CACNA1E: variants seen among roughly 807,000 people sequenced by gnomAD.
CACNA1E encodes the protein calcium voltage-gated channel subunit alpha1 E, also known as voltage-dependent R-type calcium channel subunit alpha-1E.
A neutral mutation model predicts 259.2 loss-of-function variants in CACNA1E; 40 were observed. That is an observed-to-expected ratio of 0.15 (90% CI 0.12 to 0.20). The LOEUF (loss-of-function observed/expected upper bound fraction) is 0.20. CACNA1E is among the 10% of genes least tolerant of loss of function. The pLI is 1.00. For missense variants in CACNA1E, 1,874 were observed against 3,040.1 expected (o/e 0.62, Z 9.02); for synonymous variants, 1,104 against 1,138.5 (o/e 0.97, Z 0.61).
intron 1 of CACNA1E, among the ~76,000 whole-genome samples, chr1:181,359,793 C>G (rs1653726381): frequency 6.6e-6 from 1 of 152,146 alleles, no homozygotes. Context: ...ATTTATTTTT[C>G]TATAATACAA....
Position 181,758,188 on chromosome 1 carries a change from A to G in CACNA1E, c.4494+77A>G, listed in dbSNP as rs1012544501. On this transcript the variant is annotated intron_variant, in intron 31 of 47. Coordinates refer to ENST00000367573, the MANE Select transcript of CACNA1E (RefSeq NM_001205293.3). This position sits in a 1 kb window ranked among gnomAD's most constrained non-coding sequence, Gnocchi z 4.2. The stretch of plus-strand genomic sequence containing the variant: ...CCAGGGCAAGTGGGAAGACACCCCA[A>G]CATCCCAGCCCATCACTGCTTTACC... 7 of 1,302,960 alleles carry G rather than the reference A, an allele frequency of 5.4e-6. No individual in the cohort carries two copies. Among genetic ancestry groups the G allele is most frequent in the East Asian group, 4.6e-5 (2 of 43,122 alleles). The allele number at this position is 1,302,960 out of a possible 1,614,324, so 80.7% of individuals were successfully genotyped here. A position where few individuals can be genotyped will look rare whatever the true frequency, so the allele number is the denominator to read the frequency against.
rs1445839754 is a variant in CACNA1E, at chr1:181,804,679, C to T, written c.*5845C>T. 7 of 152,116 alleles carry T rather than the reference C, an allele frequency of 4.6e-5. No individual in the cohort carries two copies. Among genetic ancestry groups the T allele is most frequent in the Non-Finnish European group, 8.8e-5 (6 of 68,020 alleles). The allele number at this position is 152,116 out of a possible 1,614,324, so 9.4% of individuals were successfully genotyped here. A position where few individuals can be genotyped will look rare whatever the true frequency, so the allele number is the denominator to read the frequency against. Reference sequence around the variant, plus strand: ...AATTGAAACATGAATGTTTGGCTAACTCATGATGTAAAGTGTCTGTTAAGT... The same window carrying T: ...AATTGAAACATGAATGTTTGGCTAATTCATGATGTAAAGTGTCTGTTAAGT... On this transcript the variant is annotated 3_prime_UTR_variant, in exon 48 of 48. Coordinates refer to ENST00000367573, the MANE Select transcript of CACNA1E (RefSeq NM_001205293.3).
Position 181,725,010 on chromosome 1 carries a change from T to C in CACNA1E, c.2142+473T>C, listed in dbSNP as rs1001012773. 2.0e-5 allele frequency among the ~76,000 whole-genome samples: 3 copies of C among 152,322 alleles called. No homozygotes were observed. In the South Asian group the frequency reaches 6.2e-4, roughly 32 times the overall value. On this transcript the variant is annotated intron_variant, in intron 17 of 47. Transcript: ENST00000367573. Reference sequence around the variant, plus strand: ...TAGGCAAAGGTCATTTTGGGGAAATTTCAATGAAGCCAGATACTAAATTTC... The same window carrying C: ...TAGGCAAAGGTCATTTTGGGGAAATCTCAATGAAGCCAGATACTAAATTTC...
intron 3 of CACNA1E, among the ~76,000 whole-genome samples, chr1:181,564,875 T>A (rs1649666673): frequency 7.0e-6 from 1 of 143,730 alleles, no homozygotes; most frequent in African/African-American, 2.4e-5. Flanking sequence ...GCTGTAATAT[T>A]TTGAAAGGAA....
rs71632123 is a variant in CACNA1E at position 181,776,565 on chromosome 1, C to A, written c.5267+337C>A. 0.03 allele frequency among the ~76,000 whole-genome samples: 4,557 copies of A among 152,326 alleles called. 76 individuals carry two copies. The highest frequency in any genetic ancestry group is 0.043 in the Non-Finnish European group (2,950 of 68,036). On this transcript the variant is annotated intron_variant, in intron 38 of 47. Transcript: ENST00000367573. The surrounding 1 kb of genome is among the most constrained non-coding windows in gnomAD (Gnocchi z 4.4). ...TGGTTAGTGGACTCCTTTGAGTTAT[C>A]AGGGGGTTTGACAAGGGTTTTTGGC... is the stretch of plus-strand genomic sequence containing the variant.
intron 7 of CACNA1E, among the ~76,000 whole-genome samples, chr1:181,653,334 G>A (rs1385526633): frequency 3.3e-5 from 5 of 152,046 alleles, no homozygotes; most frequent in African/African-American, 1.2e-4. Context: ...TTCCTGTGCT[G>A]TTCTCATGAT....
At chr1:181,657,211 G>A (rs1408668568) in intron 7 of CACNA1E, among the ~76,000 whole-genome samples, 1 of 152,080 alleles carries the variant, frequency 6.6e-6, no homozygotes, top group Non-Finnish European at 1.5e-5. Flanking sequence ...TGCTGATGCC[G>A]AATTTTGATA....
chr1:181,517,354 G>A (rs1354814264), intron 3 of CACNA1E, among the ~76,000 whole-genome samples: 2 of 152,122 alleles, frequency 1.3e-5, no homozygotes, highest in Admixed American at 6.5e-5. Context: ...GAGACCTGCA[G>A]AGGTCAGCAG....
At chr1:181,685,179 AT>A (rs35187833) in intron 7 of CACNA1E, among the ~76,000 whole-genome samples, 63,777 of 109,914 alleles carry the variant, frequency 0.58, 16,056 homozygotes, top group Non-Finnish European at 0.6. Flanking sequence ...CAAAGGAAAC[AT>A]TTTTTTTTTT....
chr1:181,476,520 T>G (rs1662863080), intron 2 of CACNA1E, among the ~76,000 whole-genome samples: 1 of 152,200 alleles, frequency 6.6e-6, no homozygotes, highest in Non-Finnish European at 1.5e-5. Context: ...TGCGGCATTA[T>G]CTTCAAGAGT....
intron 20 of CACNA1E, 51 bp downstream of exon 20, chr1:181,733,085 G>A: frequency 6.7e-7 from 1 of 1,495,904 alleles, no homozygotes; most frequent in Non-Finnish European, 8.9e-7. Flanking sequence ...CTGCTGTTAG[G>A]TGTTCCTCAA....
intron 25 of CACNA1E, among the ~76,000 whole-genome samples, chr1:181,742,668 C>T (rs567042615): frequency 3.5e-4 from 54 of 152,186 alleles, no homozygotes; most frequent in Non-Finnish European, 7.1e-4. Flanking sequence ...AGGAGCAAAG[C>T]CCCTCACCGA....
intron 7 of CACNA1E, among the ~76,000 whole-genome samples, chr1:181,663,717 T>A (rs1463098522): frequency 6.6e-6 from 1 of 152,228 alleles, no homozygotes; most frequent in African/African-American, 2.4e-5. Flanking sequence ...CTTTCTGGAA[T>A]GTTGATCCCA....
intron 7 of CACNA1E, among the ~76,000 whole-genome samples, chr1:181,669,417 C>T (rs1046240988): frequency 2.0e-5 from 3 of 152,184 alleles, no homozygotes; most frequent in Non-Finnish European, 2.9e-5. Flanking sequence ...AAATAACCAA[C>T]CCCCACAGCC....
chr1:181,565,756 T>C (rs1230161558), intron 3 of CACNA1E, among the ~76,000 whole-genome samples: 2 of 152,216 alleles, frequency 1.3e-5, no homozygotes, highest in African/African-American at 4.8e-5. Flanking sequence ...AGTTCATTAG[T>C]GCATCTTGTA....
At chr1:181,491,434 C>T (rs1273498839) in intron 1 of CACNA1E, among the ~76,000 whole-genome samples, 1 of 152,188 alleles carries the variant, frequency 6.6e-6, no homozygotes, top group Admixed American at 6.5e-5. Context: ...CACAATTTCC[C>T]AGGTGATATT....
rs1480461599 is a variant in CACNA1E, at chr1:181,697,078, T to C, written c.1056-13876T>C. ...GGGGCTTTTCTGACCTCGGGTCCTA[T>C]CCTTTCATCTGAGTACATCCTCAGA... On this transcript the variant is annotated intron_variant, in intron 7 of 47. Coordinates refer to ENST00000367573, the MANE Select transcript of CACNA1E (RefSeq NM_001205293.3). 3.9e-5 allele frequency among the ~76,000 whole-genome samples: 6 copies of C among 152,286 alleles called. No individual in the cohort carries two copies. In the East Asian group the frequency reaches 1.2e-3, roughly 29 times the overall value.
intron 1 of CACNA1E, among the ~76,000 whole-genome samples, chr1:181,492,722 A>C (rs573815670): frequency 1.4e-4 from 21 of 152,330 alleles, no homozygotes; most frequent in African/African-American, 5.1e-4. Context: ...TAAGCATCTC[A>C]GCAAGAGGTT....
chr1:181,795,068 C>G (rs369824925), intron 46 of CACNA1E, 24 bp downstream of exon 46: 3 of 1,602,534 alleles, frequency 1.9e-6, no homozygotes, highest in Non-Finnish European at 2.6e-6. Flanking sequence ...CAGTGTCCAG[C>G]TCTTTCATCA....
Sources: gnomAD v4.1 joint callset for allele counts (sites outside exome capture counted in the v4.1 genomes callset) on GRCh38, gnomAD v4.1.1 for gene constraint, Gnocchi (gnomAD v3.1) non-coding constraint, MANE v1.5 for transcripts, NCBI Gene and HGNC (gene_info 2026-07-23, HGNC 2026-07-21) for gene names.